USP12: variants seen among roughly 807,000 people sequenced by gnomAD.
USP12 encodes the protein ubiquitin specific peptidase 12.
USP12 carries 19 observed loss-of-function variants against 45.5 expected under a neutral mutation model. That is an observed-to-expected ratio of 0.42 (90% CI 0.29 to 0.61). The LOEUF is 0.61. USP12 is among the 20% of genes least tolerant of loss of function. The probability of loss-of-function intolerance (pLI) is 0.22; values close to 1 mark genes in which losing one functional copy is unlikely to be tolerated. For synonymous variants in USP12, 149 were observed against 148.8 expected (o/e 1.00, Z -0.01); for missense variants, 242 against 447.7 (o/e 0.54, Z 4.15).
Position 27,124,677 on chromosome 13 carries a change from G to A in USP12, c.49-8081C>T, listed in dbSNP as rs149525098. 5.6e-3 allele frequency among the ~76,000 whole-genome samples: 859 copies of A among 152,272 alleles called. 10 individuals carry two copies. The highest frequency in any genetic ancestry group is 0.019 in the South Asian group (91 of 4,822). ...GACCTGGTAAAATAAGAAAAGTTCTGGAGGCACAGGAAGCAGCCCATGTGA... is the reference window on the plus strand; with the variant it reads ...GACCTGGTAAAATAAGAAAAGTTCTAGAGGCACAGGAAGCAGCCCATGTGA... On this transcript the variant is annotated intron_variant, in intron 1 of 8. Transcript: ENST00000282344.
chr13:27,119,652 T>C (rs1396651233), intron 1 of USP12, among the ~76,000 whole-genome samples: 1 of 152,254 alleles, frequency 6.6e-6, no homozygotes, highest in Non-Finnish European at 1.5e-5. Context: ...TCCGATCACT[T>C]TCATGAATGC....
intron 1 of USP12, among the ~76,000 whole-genome samples, chr13:27,166,710 A>G (rs908230941): frequency 6.6e-6 from 1 of 152,184 alleles, no homozygotes; most frequent in African/African-American, 2.4e-5. Context: ...CATATTAAAA[A>G]TTTCAGATCA....
chr13:27,128,936 T>A (rs1876365659), intron 1 of USP12, among the ~76,000 whole-genome samples: 2 of 152,220 alleles, frequency 1.3e-5, no homozygotes, highest in African/African-American at 4.8e-5. Context: ...TAAGTTCAAG[T>A]GAAACCAAAA....
intron 6 of USP12, among the ~76,000 whole-genome samples, chr13:27,084,668 C>A (rs1021385737): frequency 6.6e-6 from 1 of 152,102 alleles, no homozygotes; most frequent in African/African-American, 2.4e-5. Flanking sequence ...ACTATGTATT[C>A]ATTCTTAGCA....
chr13:27,142,603 G>C (rs931944505), intron 1 of USP12, among the ~76,000 whole-genome samples: 1 of 152,200 alleles, frequency 6.6e-6, no homozygotes, highest in Middle Eastern at 3.4e-3. Flanking sequence ...TGGGTAAAAG[G>C]TATTTGGGAA....
chr13:27,127,597 A>G (rs916145353), intron 1 of USP12, among the ~76,000 whole-genome samples: 4 of 152,134 alleles, frequency 2.6e-5, no homozygotes, highest in Non-Finnish European at 5.9e-5. Context: ...TATACATCCC[A>G]TTCTCCCACC....
chr13:27,075,078 G>A, intron 7 of USP12, 113 bp downstream of exon 7: 3 of 930,360 alleles, frequency 3.2e-6, no homozygotes, highest in Non-Finnish European at 4.5e-6. Context: ...ATTATCTTGA[G>A]AGAATACAGA....
chr13:27,116,769 T>G (rs554065627), intron 1 of USP12, among the ~76,000 whole-genome samples, 173 bp from the exon 2 acceptor site: 1 of 151,934 alleles, frequency 6.6e-6, no homozygotes, highest in South Asian at 2.1e-4. Context: ...CTTTCTTACG[T>G]TTAGATATGT....
intron 1 of USP12, chr13:27,170,136 C>T: frequency 2.5e-6 from 1 of 394,884 alleles, no homozygotes; most frequent in East Asian, 3.6e-5. Flanking sequence ...CAAATGCTTT[C>T]CTAAAATGTA....
intron 6 of USP12, among the ~76,000 whole-genome samples, chr13:27,088,988 C>T (rs1565985564): frequency 6.6e-6 from 1 of 151,900 alleles, no homozygotes; most frequent in Non-Finnish European, 1.5e-5. Flanking sequence ...TAACCTGAAT[C>T]TAATCACAGG....
intron 8 of USP12, 134 bp downstream of exon 8, chr13:27,070,937 A>G: frequency 1.4e-6 from 1 of 708,184 alleles, no homozygotes; most frequent in Non-Finnish European, 2.3e-6. Flanking sequence ...AGTAGGAATT[A>G]GACTACAATC....
intron 3 of USP12, among the ~76,000 whole-genome samples, chr13:27,102,464 T>C (rs73155881): frequency 0.05 from 7,627 of 152,254 alleles, 248 homozygotes; most frequent in Non-Finnish European, 0.059. Flanking sequence ...TGGTTTCCCA[T>C]GGCTTTCCAA....
chr13:27,108,757 G>A (rs1192517640), intron 2 of USP12, among the ~76,000 whole-genome samples: 1 of 152,196 alleles, frequency 6.6e-6, no homozygotes, highest in Non-Finnish European at 1.5e-5. Flanking sequence ...AGGAGTTTAA[G>A]ACTAGCCTGG....
chr13:27,069,134 C>T lies in USP12; in HGVS notation c.*149G>A. On this transcript the variant is annotated 3_prime_UTR_variant, in exon 9 of 9. Coordinates refer to ENST00000282344, the MANE Select transcript of USP12 (RefSeq NM_182488.4). Reference sequence around the variant, plus strand: ...ACCATGATCGGAAGGGCTTGTCAATCCATCGTCTTTGCTTTATCGTGTGCA... The same window carrying T: ...ACCATGATCGGAAGGGCTTGTCAATTCATCGTCTTTGCTTTATCGTGTGCA... 4.5e-6 allele frequency: 3 copies of T among 671,030 alleles called. No individual in the cohort carries two copies. Among genetic ancestry groups the T allele is most frequent in the Non-Finnish European group, 7.9e-6 (3 of 380,256 alleles). 41.6% of individuals were successfully genotyped at this position (671,030 alleles called of 1,614,324 possible).
rs1873027374 is a variant in USP12 at position 27,067,022 on chromosome 13, T to C, written c.*2261A>G. 1 of 152,126 alleles carries C rather than the reference T, an allele frequency of 6.6e-6. No homozygotes were observed. The highest frequency in any genetic ancestry group is 6.5e-5 in the Admixed American group (1 of 15,268). 9.4% of individuals were successfully genotyped at this position (152,126 alleles called of 1,614,324 possible). A position where few individuals can be genotyped will look rare whatever the true frequency, so the allele number is the denominator to read the frequency against. ...CCACAATCCCTCCCCTGACAAATCA[T>C]ACTATGAAGTACGGTGTAGATGTGA... is the stretch of plus-strand genomic sequence containing the variant. On this transcript the variant is annotated 3_prime_UTR_variant, in exon 9 of 9. Coordinates refer to ENST00000282344, the MANE Select transcript of USP12 (RefSeq NM_182488.4).
At chr13:27,144,499 TA>T (rs56311173) in intron 1 of USP12, among the ~76,000 whole-genome samples, 5,398 of 117,970 alleles carry the variant, frequency 0.046, 131 homozygotes, top group African/African-American at 0.054. Context: ...AGACTCTCTT[TA>T]AAAAAAAAAA....
chr13:27,155,031 C>T (rs891927282), intron 1 of USP12, among the ~76,000 whole-genome samples: 1 of 147,888 alleles, frequency 6.8e-6, no homozygotes, highest in African/African-American at 2.5e-5. Flanking sequence ...AAACCTCTGA[C>T]CTCCACAACT....
intron 1 of USP12, among the ~76,000 whole-genome samples, chr13:27,145,629 G>C (rs1250886183): frequency 6.6e-6 from 1 of 151,916 alleles, no homozygotes; most frequent in African/African-American, 2.4e-5. Flanking sequence ...CATGATCTCA[G>C]ACTTAGTTCC....
intron 1 of USP12, among the ~76,000 whole-genome samples, chr13:27,165,152 CT>C (rs1430395004): frequency 2.6e-5 from 4 of 151,398 alleles, no homozygotes; most frequent in African/African-American, 9.7e-5. Flanking sequence ...CCATTCTCAA[CT>C]TATCTAAACT....
Sources: gnomAD v4.1 joint callset for allele counts (sites outside exome capture counted in the v4.1 genomes callset) on GRCh38, gnomAD v4.1.1 for gene constraint, MANE v1.5 for transcripts, NCBI Gene and HGNC (gene_info 2026-07-23, HGNC 2026-07-21) for gene names.